Variants in CACNA2D3 observed in about 807,000 individuals in gnomAD.
CACNA2D3 encodes the protein calcium voltage-gated channel auxiliary subunit alpha2delta 3.
CACNA2D3 carries 60 observed loss-of-function variants against 160.6 expected under a neutral mutation model. The ratio of observed to expected loss-of-function variants is 0.37; its 90% CI spans 0.30 to 0.46. CACNA2D3 has a LOEUF of 0.46. Ranked by LOEUF, CACNA2D3 falls within the 20% of genes least tolerant of loss-of-function variation. CACNA2D3 has a pLI of 1.00. For synonymous variants in CACNA2D3, 558 were observed against 492.9 expected (o/e 1.13, Z -1.75); for missense variants, 1,205 against 1,365.0 (o/e 0.88, Z 1.85).
intron 2 of CACNA2D3, among the ~76,000 whole-genome samples, chr3:54,129,059 G>T (rs1222131756): frequency 6.6e-6 from 1 of 152,028 alleles, no homozygotes; most frequent in Non-Finnish European, 1.5e-5. Context: ...TCCTTTACAG[G>T]AAGAAAATGA....
At chr3:54,493,492 C>A (rs1235945287) in intron 4 of CACNA2D3, among the ~76,000 whole-genome samples, 11 of 152,084 alleles carry the variant, frequency 7.2e-5, no homozygotes, top group Non-Finnish European at 1.2e-4. Flanking sequence ...CTGGCCCCCA[C>A]CTGTTTTTGT....
rs371214046 is a variant in CACNA2D3, at chr3:54,381,967, T to G, written c.322-4748T>G. Among the ~76,000 whole-genome samples the G allele has an allele frequency of 5.9e-5, 9 of 152,364 alleles. No individual in the cohort carries two copies. In the East Asian group the frequency reaches 1.7e-3, roughly 29 times the overall value. On this transcript the variant is annotated intron_variant, in intron 3 of 37. Coordinates refer to ENST00000474759, the MANE Select transcript of CACNA2D3 (RefSeq NM_018398.3). ...AGTCGAGCATGTGTATTCCAGTATA[T>G]TGTTATCATTTTTATTGAGTAAGGA...
intron 2 of CACNA2D3, among the ~76,000 whole-genome samples, chr3:54,288,602 G>T (rs200607331): frequency 1.9e-4 from 29 of 151,838 alleles, no homozygotes; most frequent in Admixed American, 4.6e-4. Flanking sequence ...TACCAAAGCC[G>T]GGCAGAGACA....
At chr3:54,813,306 A>C (rs1703369583) in intron 13 of CACNA2D3, among the ~76,000 whole-genome samples, 1 of 152,174 alleles carries the variant, frequency 6.6e-6, no homozygotes, top group South Asian at 2.1e-4. Flanking sequence ...ATGCCTGACA[A>C]GGTGGCTTTG....
chr3:54,270,394 C>T (rs185244885), intron 2 of CACNA2D3, among the ~76,000 whole-genome samples: 8 of 152,348 alleles, frequency 5.3e-5, no homozygotes, highest in African/African-American at 1.7e-4. Flanking sequence ...TTGCTTGACA[C>T]TGCTCTTGAA....
At chr3:55,025,890 A>AT (rs1703554762) in intron 35 of CACNA2D3, among the ~76,000 whole-genome samples, 1 of 151,986 alleles carries the variant, frequency 6.6e-6, no homozygotes, top group African/African-American at 2.4e-5. Flanking sequence ...AAGCAGAACA[A>AT]TAAAGCCCCG....
chr3:54,801,916 G>A (rs1194654687), intron 13 of CACNA2D3, among the ~76,000 whole-genome samples: 1 of 152,062 alleles, frequency 6.6e-6, no homozygotes, highest in Non-Finnish European at 1.5e-5. Flanking sequence ...AAGAAAATTT[G>A]GAATACATAG....
intron 11 of CACNA2D3, among the ~76,000 whole-genome samples, chr3:54,715,822 G>A (rs76030460): frequency 0.01 from 1,536 of 152,276 alleles, 24 homozygotes; most frequent in African/African-American, 0.034. Context: ...AAACTTGGAG[G>A]ACATTATGCT....
intron 12 of CACNA2D3, 41 bp from the exon 13 acceptor site, chr3:54,764,177 C>T (rs1702174861): frequency 2.5e-6 from 4 of 1,609,992 alleles, no homozygotes; most frequent in Non-Finnish European, 3.4e-6. Context: ...GCAAGTCTTT[C>T]TGTCTGTTAC....
intron 2 of CACNA2D3, among the ~76,000 whole-genome samples, chr3:54,310,422 C>T (rs1208454883): frequency 2.0e-5 from 3 of 152,182 alleles, no homozygotes; most frequent in Admixed American, 6.5e-5. Context: ...TAAGGAGAGA[C>T]TGCAGAATTA....
At chr3:55,009,304 A>G in intron 33 of CACNA2D3, 84 bp from the exon 34 acceptor site, 1 of 1,200,844 alleles carries the variant, frequency 8.3e-7, no homozygotes, top group Non-Finnish European at 1.2e-6. Flanking sequence ...GAGGTAAGCG[A>G]TGCCAAAGAA....
intron 13 of CACNA2D3, among the ~76,000 whole-genome samples, chr3:54,764,772 G>T (rs75986311): frequency 0.031 from 4,769 of 152,272 alleles, 233 homozygotes; most frequent in African/African-American, 0.11. Context: ...ATGAATTGGG[G>T]CCACCATGGA....
chr3:54,726,425 T>C lies in CACNA2D3; in HGVS notation c.1168-26174T>C, dbSNP rs1187322631. Among the ~76,000 whole-genome samples, 2 of 152,160 alleles carry C rather than the reference T, an allele frequency of 1.3e-5. 1 individual carries two copies. Among genetic ancestry groups the C allele is most frequent in the Non-Finnish European group, 2.9e-5 (2 of 68,020 alleles). On this transcript the variant is annotated intron_variant, in intron 11 of 37. Coordinates refer to ENST00000474759, the MANE Select transcript of CACNA2D3 (RefSeq NM_018398.3). ...GGAAAAAACTACTTTAAACTTCATA[T>C]GCAACCAAAAAAGAGCCTACATAGC...
chr3:54,458,246 T>C (rs1700434870), intron 4 of CACNA2D3, among the ~76,000 whole-genome samples: 1 of 152,148 alleles, frequency 6.6e-6, no homozygotes. Flanking sequence ...CTATGTGTAT[T>C]TGCTCCACCA....
chr3:54,665,395 A>G (rs918745511), intron 11 of CACNA2D3, among the ~76,000 whole-genome samples: 1 of 152,258 alleles, frequency 6.6e-6, no homozygotes, highest in Non-Finnish European at 1.5e-5. Flanking sequence ...CATAGCATGG[A>G]GTGCCGAGTC....
intron 5 of CACNA2D3, among the ~76,000 whole-genome samples, chr3:54,535,618 T>C (rs1398085279): frequency 6.6e-6 from 1 of 152,234 alleles, no homozygotes; most frequent in Non-Finnish European, 1.5e-5. Context: ...ACATTTCCAA[T>C]AATGGCTGTA....
intron 10 of CACNA2D3, chr3:54,639,758 C>G (rs1033247076): frequency 1.2e-5 from 2 of 160,084 alleles, no homozygotes; most frequent in South Asian, 1.7e-4. Context: ...AAATTTCATG[C>G]GCGTCCGTGT....
chr3:54,466,084 T>C (rs578047900), intron 4 of CACNA2D3, among the ~76,000 whole-genome samples: 1 of 152,322 alleles, frequency 6.6e-6, no homozygotes, highest in East Asian at 1.9e-4. Context: ...CTTTCTCTTC[T>C]GCCACCAGCC....
intron 13 of CACNA2D3, among the ~76,000 whole-genome samples, chr3:54,810,065 G>T (rs537002393): frequency 2.0e-5 from 3 of 152,208 alleles, no homozygotes; most frequent in Non-Finnish European, 4.4e-5. Flanking sequence ...GAGATCTGAC[G>T]CATGGGTAGG....
Sources: gnomAD v4.1 joint callset for allele counts (sites outside exome capture counted in the v4.1 genomes callset) on GRCh38, gnomAD v4.1.1 for gene constraint, MANE v1.5 for transcripts, NCBI Gene and HGNC (gene_info 2026-07-23, HGNC 2026-07-21) for gene names.